The following ADAMTS17 variants were observed in gnomAD, a reference collection of about 807,000 sequenced individuals.
ADAMTS17 encodes the protein A disintegrin and metalloproteinase with thrombospondin motifs 17.
ADAMTS17 carries 113 observed loss-of-function variants against 141.5 expected under a neutral mutation model. The observed-to-expected ratio is 0.80, with a 90% CI of 0.69 to 0.93. ADAMTS17 has a LOEUF of 0.93. Among genes scored for constraint, ADAMTS17 ranks in the 40% least tolerant of loss-of-function variants. ADAMTS17 has a pLI of 0.00. For missense variants in ADAMTS17, 1,659 were observed against 1,517.9 expected (o/e 1.09, Z -1.54); for synonymous variants, 768 against 630.6 (o/e 1.22, Z -3.27).
intron 13 of ADAMTS17, among the ~76,000 whole-genome samples, chr15:100,112,564 C>T (rs1186617453): frequency 6.6e-6 from 1 of 152,102 alleles, no homozygotes; most frequent in Non-Finnish European, 1.5e-5. Context: ...GAACAAGACC[C>T]CAGTAAATAA....
chr15:100,234,340 T>A (rs542777588), intron 7 of ADAMTS17, among the ~76,000 whole-genome samples: 1 of 152,196 alleles, frequency 6.6e-6, no homozygotes, highest in Non-Finnish European at 1.5e-5. Flanking sequence ...TCGTTCCACA[T>A]TTGATCCCCA....
chr15:100,110,457 C>T (rs1306970346), intron 13 of ADAMTS17, among the ~76,000 whole-genome samples: 2 of 151,464 alleles, frequency 1.3e-5, no homozygotes, highest in Admixed American at 1.3e-4. Flanking sequence ...GTAGAGACAC[C>T]GTTTCACCGT....
chr15:100,232,659 G>A (rs1191722984), intron 7 of ADAMTS17, among the ~76,000 whole-genome samples: 3 of 152,240 alleles, frequency 2.0e-5, no homozygotes, highest in African/African-American at 7.2e-5. Context: ...CAGAACTGAA[G>A]TCTTCCTGTG....
chr15:100,129,311 T>C (rs1380434101), intron 12 of ADAMTS17: 3 of 152,260 alleles, frequency 2.0e-5, no homozygotes, highest in Admixed American at 2.0e-4. Context: ...GGGCAACTGG[T>C]ACCATCCTCG....
rs1296133086 is a variant in ADAMTS17 at position 100,007,652 on chromosome 15, T to G, written c.2592-10063A>C. On this transcript the variant is annotated intron_variant, in intron 18 of 21. Coordinates refer to ENST00000268070, the MANE Select transcript of ADAMTS17 (RefSeq NM_139057.4). ...AGGCTCAGGACTCTGAGCCCAAGAA[T>G]GTTGGTGGTACCTCCACTGAGAAGG... Among the ~76,000 whole-genome samples the G allele has an allele frequency of 3.3e-5, 5 of 151,836 alleles. No individual in the cohort carries two copies. In the East Asian group the frequency reaches 9.7e-4, roughly 29 times the overall value.
intron 2 of ADAMTS17, among the ~76,000 whole-genome samples, chr15:100,336,901 C>T (rs901811838): frequency 6.6e-5 from 10 of 152,212 alleles, no homozygotes; most frequent in African/African-American, 2.4e-4. Flanking sequence ...TACTCATCAG[C>T]TGGCTGAGCT....
In ADAMTS17 at chr15:100,152,778, G is replaced by T; in HGVS notation, c.1323-16C>A. 6.2e-7 allele frequency: 1 copy of T among 1,614,086 alleles called. No homozygotes were observed. The highest frequency in any genetic ancestry group is 8.5e-7 in the Non-Finnish European group (1 of 1,180,024). On this transcript the variant is annotated splice_polypyrimidine_tract_variant and intron_variant, in intron 9 of 21. Transcript: ENST00000268070. ...GACTTTTGACCTGAAACAGCCGAGA[G>T]GCAAGTTGACTTGCAAATGTACTGC... is the stretch of plus-strand genomic sequence containing the variant.
At chr15:100,313,739 A>G (rs1800273512) in intron 3 of ADAMTS17, among the ~76,000 whole-genome samples, 1 of 151,834 alleles carries the variant, frequency 6.6e-6, no homozygotes, top group African/African-American at 2.4e-5. Context: ...CACCATGAAG[A>G]AACGTCAGAC....
At chr15:100,144,473 C>G (rs1037611566) in intron 10 of ADAMTS17, among the ~76,000 whole-genome samples, 1 of 151,974 alleles carries the variant, frequency 6.6e-6, no homozygotes, top group Non-Finnish European at 1.5e-5. Flanking sequence ...TCGCTTGAAT[C>G]TGGGAGGCGG....
At chr15:100,105,348 T>C (rs936258937) in intron 14 of ADAMTS17, among the ~76,000 whole-genome samples, 4 of 152,202 alleles carry the variant, frequency 2.6e-5, no homozygotes, top group Non-Finnish European at 5.9e-5. Flanking sequence ...GTGACTCTAC[T>C]TGGTTAATGT....
intron 15 of ADAMTS17, among the ~76,000 whole-genome samples, chr15:100,092,160 G>A (rs781663795): frequency 6.6e-6 from 1 of 152,252 alleles, no homozygotes. Flanking sequence ...TGAGGGGAAA[G>A]AAAACTTACC....
chr15:100,301,049 A>C (rs1420743716), intron 3 of ADAMTS17, among the ~76,000 whole-genome samples: 1 of 152,224 alleles, frequency 6.6e-6, no homozygotes, highest in East Asian at 1.9e-4. Flanking sequence ...GTGGATATTC[A>C]AGGAATAGTT....
intron 8 of ADAMTS17, among the ~76,000 whole-genome samples, chr15:100,184,305 G>C (rs745415649): frequency 3.3e-5 from 5 of 152,164 alleles, no homozygotes; most frequent in African/African-American, 1.2e-4. Flanking sequence ...CCAGGCTGCA[G>C]GCCTCCAGGT....
rs901587252 is a variant in ADAMTS17 at position 100,267,802 on chromosome 15, G to A, written c.790-5367C>T. 2.6e-5 allele frequency among the ~76,000 whole-genome samples: 4 copies of A among 152,246 alleles called. No individual in the cohort carries two copies. In the South Asian group the frequency reaches 6.2e-4, roughly 24 times the overall value. ...GGGTACATGAAATATTTTGATACAG[G>A]CATACAATGCATAATTATCACATCA... is the stretch of plus-strand genomic sequence containing the variant. On this transcript the variant is annotated intron_variant, in intron 4 of 21. Transcript: ENST00000268070.
At chr15:100,136,832 C>T (rs910517224) in intron 10 of ADAMTS17, among the ~76,000 whole-genome samples, 22 of 152,142 alleles carry the variant, frequency 1.4e-4, no homozygotes, top group Admixed American at 1.2e-3. Flanking sequence ...AGCCCAGAGG[C>T]GTGTCCTGAT....
chr15:100,121,757 C>G (rs762623710), intron 12 of ADAMTS17, among the ~76,000 whole-genome samples: 5 of 151,904 alleles, frequency 3.3e-5, no homozygotes, highest in Non-Finnish European at 7.4e-5. Flanking sequence ...GAGGAACAGG[C>G]TTTTCTCCCT....
chr15:100,294,279 T>C (rs2044735170), intron 3 of ADAMTS17, among the ~76,000 whole-genome samples: 1 of 152,136 alleles, frequency 6.6e-6, no homozygotes, highest in Admixed American at 6.5e-5. Context: ...TTATGAACAC[T>C]ACAGGTCTGA....
intron 8 of ADAMTS17, among the ~76,000 whole-genome samples, chr15:100,155,578 G>C (rs958362702): frequency 1.3e-5 from 2 of 152,186 alleles, no homozygotes; most frequent in Admixed American, 1.3e-4. Context: ...AATCAACAAA[G>C]TATATTAACT....
chr15:100,150,238 C>T (rs1364448441), intron 10 of ADAMTS17, among the ~76,000 whole-genome samples: 1 of 152,134 alleles, frequency 6.6e-6, no homozygotes, highest in Non-Finnish European at 1.5e-5. Context: ...GGAATCATTG[C>T]TTGTTGCCCT....
Sources: gnomAD v4.1 joint callset for allele counts (sites outside exome capture counted in the v4.1 genomes callset) on GRCh38, gnomAD v4.1.1 for gene constraint, MANE v1.5 for transcripts, NCBI Gene and HGNC (gene_info 2026-07-23, HGNC 2026-07-21) for gene names.